Variants in SEMA6A observed in about 807,000 individuals in gnomAD.
The protein encoded by SEMA6A is semaphorin-6A.
Under a neutral mutation model 96.8 loss-of-function variants are expected in SEMA6A, and 25 were observed. The observed-to-expected ratio is 0.26, with a 90% CI of 0.19 to 0.36. The LOEUF (loss-of-function observed/expected upper bound fraction) is 0.36. Ranked by LOEUF, SEMA6A falls within the 10% of genes least tolerant of loss-of-function variation. The pLI, the probability that SEMA6A is intolerant of heterozygous loss-of-function variation, is 1.00. For synonymous variants in SEMA6A, 612 were observed against 518.0 expected (o/e 1.18, Z -2.46); for missense variants, 1,363 against 1,323.1 (o/e 1.03, Z -0.47).
At chr5:116,495,966 G>A (rs557007121) in intron 5 of SEMA6A, 42 of 381,744 alleles carry the variant, frequency 1.1e-4, no homozygotes, top group Middle Eastern at 7.8e-4. Context: ...GGTGGGCATC[G>A]GCGTACACTC....
chr5:116,517,976 A>G (rs1443276068), intron 1 of SEMA6A, among the ~76,000 whole-genome samples: 2 of 152,322 alleles, frequency 1.3e-5, no homozygotes, highest in Admixed American at 6.5e-5. Flanking sequence ...GCATTTTCCA[A>G]TCCCTGGCAT....
At chr5:116,513,194 C>A (rs1758502154) in intron 1 of SEMA6A, among the ~76,000 whole-genome samples, 1 of 151,986 alleles carries the variant, frequency 6.6e-6, no homozygotes, top group African/African-American at 2.4e-5. Context: ...ATGGCGCGAT[C>A]TCGGCTCACC....
intron 17 of SEMA6A, chr5:116,468,582 A>G (rs1330677898): frequency 1.3e-5 from 2 of 152,234 alleles, no homozygotes; most frequent in African/African-American, 4.8e-5. Flanking sequence ...GTTACAGCAG[A>G]AACTCTAGCC....
intron 1 of SEMA6A, among the ~76,000 whole-genome samples, chr5:116,534,736 G>A (rs1192073960): frequency 6.6e-6 from 1 of 152,208 alleles, no homozygotes; most frequent in Non-Finnish European, 1.5e-5. Flanking sequence ...TCCCCGCTAG[G>A]CTATGAGTTC....
chr5:116,480,366 G>A, intron 11 of SEMA6A, 89 bp from the exon 12 acceptor site: 1 of 1,453,152 alleles, frequency 6.9e-7, no homozygotes, highest in Non-Finnish European at 9.5e-7. Flanking sequence ...TAAGCATCTG[G>A]AATGGAGGAG....
Position 116,446,765 on chromosome 5 carries a change from C to G in SEMA6A, c.2941G>C (p.Val981Leu). ...AGGCTGGGCTGCCTCGAGACAGTCA[C>G]GGCCTGGCCAGATGGCTGGGAGCTG... ...VHSSQPSGQA[V>L]TVSRQPSLNA... The change falls in exon 19 of 19, where the codon GTG (valine) becomes CTG (leucine). Residue 981 changes from valine to leucine, a missense_variant. By Grantham distance (32) the Val-to-Leu change is conservative (BLOSUM62 1). Coordinates refer to ENST00000343348, the MANE Select transcript of SEMA6A (RefSeq NM_020796.5). 1.2e-6 allele frequency: 2 copies of G among 1,610,250 alleles called. No individual in the cohort carries two copies. Among genetic ancestry groups the G allele is most frequent in the Admixed American group, 1.7e-5 (1 of 59,328 alleles).
intron 16 of SEMA6A, among the ~76,000 whole-genome samples, chr5:116,475,343 C>A (rs1287797859): frequency 6.6e-6 from 1 of 152,136 alleles, no homozygotes; most frequent in Non-Finnish European, 1.5e-5. Context: ...GAAATAGGTG[C>A]CAGCATTTAT....
At chr5:116,515,400 T>C (rs1451445505) in intron 1 of SEMA6A, among the ~76,000 whole-genome samples, 1 of 152,174 alleles carries the variant, frequency 6.6e-6, no homozygotes, top group Non-Finnish European at 1.5e-5. Context: ...ATTTATTTGC[T>C]TGAGGTGTTG....
chr5:116,536,519 C>A (rs1759718379), intron 1 of SEMA6A: 1 of 152,020 alleles, frequency 6.6e-6, no homozygotes, highest in African/African-American at 2.4e-5. Flanking sequence ...GGAGGTGGGA[C>A]CAAAAGAGGA....
At chr5:116,449,032 T>C (rs1317986652) in intron 18 of SEMA6A, among the ~76,000 whole-genome samples, 2 of 152,252 alleles carry the variant, frequency 1.3e-5, no homozygotes, top group Non-Finnish European at 2.9e-5. Context: ...TCAGTGTTTC[T>C]GAAGGAAGGT....
intron 18 of SEMA6A, among the ~76,000 whole-genome samples, chr5:116,450,571 A>G (rs1754561963): frequency 6.6e-6 from 1 of 152,210 alleles, no homozygotes; most frequent in South Asian, 2.1e-4. Context: ...TTTTAGACTC[A>G]TGAAAGCTAC....
At position 116,446,879 on chromosome 5, in the gene SEMA6A, TGGA is replaced by T. The variant is rs1754247997; in HGVS notation, c.2824_2826del (p.Ser942del). The T allele has an allele frequency of 6.2e-7, 1 of 1,613,956 alleles. No individual in the cohort carries two copies. The highest frequency in any genetic ancestry group is 1.3e-5 in the African/African-American group (1 of 75,028). ...TGGTTTCTGGAGAGGTGAGAGGAAT[TGGA>T]GGAGTTAGTGTTGTTTCTTTTGAGA... On this transcript the variant is annotated inframe_deletion, in exon 19 of 19. Transcript: ENST00000343348.
At chr5:116,488,371 A>G (rs984137041) in intron 8 of SEMA6A, among the ~76,000 whole-genome samples, 175 bp from the exon 9 acceptor site, 8 of 152,262 alleles carry the variant, frequency 5.3e-5, no homozygotes, top group African/African-American at 1.9e-4. Flanking sequence ...TTCACAAGGC[A>G]TTCACACTTA....
At chr5:116,486,551 T>G in intron 10 of SEMA6A, 198 bp downstream of exon 10, 1 of 544,120 alleles carries the variant, frequency 1.8e-6, no homozygotes, top group South Asian at 2.7e-5. Context: ...ATCTAATTAC[T>G]TCCCCTAAAA....
At position 116,502,312 on chromosome 5, in the gene SEMA6A, G is replaced by A. The variant is rs771575095; in HGVS notation, c.116C>T (p.Pro39Leu). 6.2e-6 allele frequency: 10 copies of A among 1,613,640 alleles called. No homozygotes were observed. Among genetic ancestry groups the A allele is most frequent in the Admixed American group, 1.7e-5 (1 of 59,986 alleles). The change falls in exon 3 of 19, where the codon CCG becomes CTG. Residue 39 changes from proline (P) to leucine (L), a missense_variant. Pro to Leu is a moderately conservative substitution (Grantham distance 98). Transcript: ENST00000343348. ...TCCTGGCTTGTGGCCCACAAACACC[G>A]GATACTGTTTTGTATCTGTGAAAAG... ...ISHGNYTKQY[P>L]VFVGHKPGRN...
chr5:116,491,627 T>C, intron 7 of SEMA6A, 113 bp downstream of exon 7: 1 of 777,116 alleles, frequency 1.3e-6, no homozygotes. Context: ...ATTACAGTAT[T>C]CACCAGAGAA....
chr5:116,456,309 G>T (rs1755008656), intron 18 of SEMA6A, among the ~76,000 whole-genome samples: 1 of 152,128 alleles, frequency 6.6e-6, no homozygotes, highest in Non-Finnish European at 1.5e-5. Flanking sequence ...CAGAACTCCA[G>T]ATGATTCTTA....
chr5:116,512,660 T>TTG (rs1758467093), intron 1 of SEMA6A, among the ~76,000 whole-genome samples: 1 of 136,190 alleles, frequency 7.3e-6, no homozygotes, highest in South Asian at 2.4e-4. Context: ...TTTCAGATGA[T>TTG]TCTGTTATGT....
intron 11 of SEMA6A, among the ~76,000 whole-genome samples, chr5:116,480,674 G>A (rs928266493): frequency 2.0e-5 from 3 of 152,084 alleles, no homozygotes; most frequent in Non-Finnish European, 4.4e-5. Flanking sequence ...GAAAGAATTA[G>A]GTTGACGTTT....
Sources: gnomAD v4.1 joint callset for allele counts (sites outside exome capture counted in the v4.1 genomes callset) on GRCh38, gnomAD v4.1.1 for gene constraint, MANE v1.5 for transcripts, NCBI Gene and HGNC (gene_info 2026-07-23, HGNC 2026-07-21) for gene names.